NCMAP: variants seen among roughly 807,000 people sequenced by gnomAD.
NCMAP encodes the protein non-compact myelin associated protein.
Under a neutral mutation model 7.8 loss-of-function variants are expected in NCMAP, and 8 were observed. The observed-to-expected ratio is 1.02, with a 90% CI of 0.60 to 1.84. The LOEUF is 1.84. Among genes scored for constraint, NCMAP ranks in the 40% most tolerant of loss-of-function variants. NCMAP has a pLI of 0.00. For missense variants in NCMAP, 112 were observed against 131.4 expected, an observed-to-expected ratio of 0.85 and a Z score of 0.72; for synonymous variants, 41 against 52.9, an observed-to-expected ratio of 0.78 and a Z score of 0.98.
At chr1:24,581,070 A>G (rs1274689827) in intron 1 of NCMAP, among the ~76,000 whole-genome samples, 1 of 150,252 alleles carries the variant, frequency 6.7e-6, no homozygotes, top group Non-Finnish European at 1.5e-5. Flanking sequence ...TGAAGCAGAG[A>G]TGAATAGTCG....
intron 1 of NCMAP, among the ~76,000 whole-genome samples, chr1:24,572,266 CCCACTGGG>C (rs963979777): frequency 3.3e-5 from 5 of 150,844 alleles, no homozygotes; most frequent in African/African-American, 1.2e-4. Context: ...AGGGCGTTCC[CCCACTGGG>C]ATATGACTTG....
intron 1 of NCMAP, among the ~76,000 whole-genome samples, chr1:24,584,300 C>T (rs953701806): frequency 6.6e-6 from 1 of 152,192 alleles, no homozygotes; most frequent in Non-Finnish European, 1.5e-5. Context: ...CCACAATGTC[C>T]ACGGGTCTCT....
intron 1 of NCMAP, among the ~76,000 whole-genome samples, chr1:24,566,863 C>A (rs775696354): frequency 6.6e-6 from 1 of 152,138 alleles, no homozygotes; most frequent in Non-Finnish European, 1.5e-5. Context: ...GATTCATAAA[C>A]CTGAATTCTG....
intron 1 of NCMAP, among the ~76,000 whole-genome samples, chr1:24,577,371 T>A (rs1651602809): frequency 1.3e-5 from 2 of 148,812 alleles, no homozygotes; most frequent in Non-Finnish European, 3.0e-5. Flanking sequence ...AAATTCAGAT[T>A]TTTGGAGTTT....
intron 1 of NCMAP, among the ~76,000 whole-genome samples, chr1:24,573,971 A>AAAAAAAAAAC (rs1337931415): frequency 7.3e-6 from 1 of 137,490 alleles, no homozygotes; most frequent in African/African-American, 2.9e-5. Flanking sequence ...AAAAAAAAAA[A>AAAAAAAAAAC]CAGAAAAAAG....
In NCMAP at chr1:24,599,671, G is replaced by A. The variant is rs533617568; in HGVS notation, c.83-1269G>A. Among the ~76,000 whole-genome samples, 4 of 151,904 alleles carry A rather than the reference G, an allele frequency of 2.6e-5. No homozygotes were observed. In the South Asian group the frequency reaches 8.3e-4, roughly 32 times the overall value. ...CGGCTCACTGAAACCTCTGCCTCCC[G>A]GGTTCAAGCAATTCTCCTGCCTCAG... On this transcript the variant is annotated intron_variant, in intron 2 of 3. Transcript: ENST00000374392.
chr1:24,562,143 C>T (rs1262536405), intron 1 of NCMAP, among the ~76,000 whole-genome samples: 1 of 152,182 alleles, frequency 6.6e-6, no homozygotes, highest in Non-Finnish European at 1.5e-5. Context: ...CTGGTTTGCC[C>T]AGAGGATGAA....
At chr1:24,561,430 C>CT (rs1651049139) in intron 1 of NCMAP, among the ~76,000 whole-genome samples, 1 of 152,176 alleles carries the variant, frequency 6.6e-6, no homozygotes, top group Non-Finnish European at 1.5e-5. Context: ...CTGAAAGTCG[C>CT]TTTTTCCTCT....
chr1:24,601,373 A>T (rs1652482607), intron 3 of NCMAP, among the ~76,000 whole-genome samples: 1 of 152,206 alleles, frequency 6.6e-6, no homozygotes, highest in Non-Finnish European at 1.5e-5. Context: ...TGGCCACATA[A>T]GTATTTGAGA....
At chr1:24,602,995 G>A (rs1183918956) in intron 3 of NCMAP, among the ~76,000 whole-genome samples, 1 of 151,920 alleles carries the variant, frequency 6.6e-6, no homozygotes, top group Non-Finnish European at 1.5e-5. Context: ...AGCTGAGATC[G>A]CACCACTGCA....
intron 1 of NCMAP, among the ~76,000 whole-genome samples, chr1:24,593,565 G>A (rs544695074): frequency 2.0e-5 from 3 of 152,238 alleles, no homozygotes; most frequent in Non-Finnish European, 4.4e-5. Flanking sequence ...TGGTCAGTAC[G>A]TGGGCTCCTG....
intron 1 of NCMAP, among the ~76,000 whole-genome samples, chr1:24,566,000 C>T (rs1401659555): frequency 6.6e-6 from 1 of 152,138 alleles, no homozygotes; most frequent in Non-Finnish European, 1.5e-5. Flanking sequence ...TCCCCTTTCG[C>T]TTGGCACCTC....
At chr1:24,586,271 C>A (rs914860207) in intron 1 of NCMAP, among the ~76,000 whole-genome samples, 4 of 152,238 alleles carry the variant, frequency 2.6e-5, no homozygotes, top group Non-Finnish European at 4.4e-5. Flanking sequence ...ATTTAGCCAC[C>A]CAGGAGGAGC....
intron 1 of NCMAP, among the ~76,000 whole-genome samples, chr1:24,568,144 C>T (rs1423738502): frequency 6.6e-6 from 1 of 152,016 alleles, no homozygotes; most frequent in Non-Finnish European, 1.5e-5. Context: ...TCACGGCCTC[C>T]CTCTCAGGCT....
At chr1:24,605,189 G>A (rs989016881) in intron 3 of NCMAP, among the ~76,000 whole-genome samples, 2 of 151,998 alleles carry the variant, frequency 1.3e-5, no homozygotes, top group Non-Finnish European at 2.9e-5. Context: ...ATGAAGCCAA[G>A]ATAAATGTTT....
chr1:24,597,678 A>AAAGAAAAAG (rs1652304760), intron 2 of NCMAP, among the ~76,000 whole-genome samples: 3 of 116,140 alleles, frequency 2.6e-5, no homozygotes, highest in Non-Finnish European at 1.9e-5. Flanking sequence ...AAAGAAAAGA[A>AAAGAAAAAG]AAAGAAAGAA....
At chr1:24,586,475 C>A (rs1651885254) in intron 1 of NCMAP, among the ~76,000 whole-genome samples, 1 of 152,158 alleles carries the variant, frequency 6.6e-6, no homozygotes, top group Admixed American at 6.5e-5. Context: ...TATAAAGTTC[C>A]TTCACGGCTG....
rs1265191458 is a variant in NCMAP at position 24,605,861 on chromosome 1, G to T, written c.*114G>T. ...AGCTTCTTCTGGTCAGGTCGACAGA[G>T]ACATCTTTGACGCAATCTCTGATGC... is the stretch of plus-strand genomic sequence containing the variant. On this transcript the variant is annotated 3_prime_UTR_variant, in exon 4 of 4. Coordinates refer to ENST00000374392, the MANE Select transcript of NCMAP (RefSeq NM_001010980.5). 2 of 1,238,288 alleles carry T rather than the reference G, an allele frequency of 1.6e-6. No homozygotes were observed. The highest frequency in any genetic ancestry group is 1.5e-5 in the South Asian group (1 of 67,874). 76.7% of individuals were successfully genotyped at this position (1,238,288 alleles called of 1,614,324 possible). A position where few individuals can be genotyped will look rare whatever the true frequency, so the allele number is the denominator to read the frequency against.
At chr1:24,605,483 C>A in intron 3 of NCMAP, 123 bp from the exon 4 acceptor site, 1 of 1,135,784 alleles carries the variant, frequency 8.8e-7, no homozygotes, top group South Asian at 1.7e-5. Flanking sequence ...GGCAAGTAAG[C>A]AATGTGATTT....
Sources: gnomAD v4.1 joint callset for allele counts (sites outside exome capture counted in the v4.1 genomes callset) on GRCh38, gnomAD v4.1.1 for gene constraint, MANE v1.5 for transcripts, NCBI Gene and HGNC (gene_info 2026-07-23, HGNC 2026-07-21) for gene names.